The following XRN2 variants were observed in gnomAD, a reference collection of about 807,000 sequenced individuals.
XRN2 encodes the protein DHM1-like protein.
A neutral mutation model predicts 138.5 loss-of-function variants in XRN2; 44 were observed. The observed-to-expected ratio is 0.32, with a 90% CI of 0.25 to 0.41. XRN2 has a LOEUF of 0.41. XRN2 is among the 10% of genes least tolerant of loss of function. The pLI is 1.00. For synonymous variants in XRN2, 354 were observed against 369.4 expected (o/e 0.96, Z 0.48); for missense variants, 937 against 1,169.3 (o/e 0.80, Z 2.90).
At chr20:21,362,667 C>A (rs2038651047) in intron 24 of XRN2, among the ~76,000 whole-genome samples, 1 of 152,188 alleles carries the variant, frequency 6.6e-6, no homozygotes, top group Non-Finnish European at 1.5e-5. Context: ...ACAAACCCTC[C>A]ATGACCATAA....
intron 17 of XRN2, among the ~76,000 whole-genome samples, chr20:21,347,517 CTGTT>C (rs1426059001): frequency 2.0e-5 from 3 of 152,192 alleles, no homozygotes; most frequent in African/African-American, 7.2e-5. Flanking sequence ...GTTAAGTACT[CTGTT>C]TGCGTTTTAC....
At chr20:21,319,418 T>G (rs1382673570) in intron 1 of XRN2, among the ~76,000 whole-genome samples, 1 of 152,192 alleles carries the variant, frequency 6.6e-6, no homozygotes, top group East Asian at 1.9e-4. Context: ...ACTTTTTGTT[T>G]TTTGTATGTC....
chr20:21,365,628 CA>C lies in XRN2; in HGVS notation c.2381del (p.Gln794ArgfsTer28). 6.2e-7 allele frequency: 1 copy of C among 1,613,184 alleles called. No homozygotes were observed. Among genetic ancestry groups the C allele is most frequent in the Non-Finnish European group, 8.5e-7 (1 of 1,179,902 alleles). ...SDWEKSSNGR[Q>X]WKPQLGFNRD... ...CTGGGAAAAATCCAGCAATGGACGG[CA>C]GTGGAAGCCTCAGCTTGGCTTTAAC... On this transcript the variant is annotated frameshift_variant, in exon 26 of 30. Transcript: ENST00000377191. LOFTEE classifies it high-confidence loss of function.
In XRN2 at chr20:21,328,505, G is replaced by C. The variant is rs927782743; in HGVS notation, c.316-54G>C. ...AACAACTGATTCAAAATAAGGTACA[G>C]ATTTATTTGTGAATATTTTGATGAG... is the stretch of plus-strand genomic sequence containing the variant. On this transcript the variant is annotated intron_variant, in intron 3 of 29. Coordinates refer to ENST00000377191, the MANE Select transcript of XRN2 (RefSeq NM_012255.5). 7.9e-6 allele frequency: 12 copies of C among 1,513,468 alleles called. No individual in the cohort carries two copies. The African/African-American group carries it at 1.6e-4, about 21-fold the overall frequency. 93.8% of individuals were successfully genotyped at this position (1,513,468 alleles called of 1,614,324 possible).
intron 28 of XRN2, among the ~76,000 whole-genome samples, chr20:21,382,795 T>TAG (rs2038899678): frequency 6.6e-6 from 1 of 152,252 alleles, no homozygotes; most frequent in Non-Finnish European, 1.5e-5. Flanking sequence ...AGGCACATTA[T>TAG]GAATAATTAA....
chr20:21,375,920 G>A (rs978682687), intron 27 of XRN2, among the ~76,000 whole-genome samples: 10 of 151,768 alleles, frequency 6.6e-5, no homozygotes, highest in African/African-American at 2.4e-4. Flanking sequence ...CTCACTGCAA[G>A]CTCCGCCTCC....
At chr20:21,385,911 T>C (rs2038932558) in intron 28 of XRN2, among the ~76,000 whole-genome samples, 1 of 152,216 alleles carries the variant, frequency 6.6e-6, no homozygotes, top group Non-Finnish European at 1.5e-5. Flanking sequence ...GCCCCAAAGC[T>C]TCTGATGTTC....
At chr20:21,362,541 T>C (rs189136820) in intron 24 of XRN2, among the ~76,000 whole-genome samples, 53 of 152,324 alleles carry the variant, frequency 3.5e-4, no homozygotes, top group Admixed American at 3.9e-4. Context: ...GGTGACCTCT[T>C]TATGGGTGTC....
intron 5 of XRN2, 27 bp downstream of exon 5, chr20:21,330,566 A>C: frequency 1.2e-6 from 2 of 1,613,692 alleles, no homozygotes; most frequent in Middle Eastern, 3.3e-4. Context: ...TTTGCTAGCT[A>C]TTGCTAACTC....
rs1254934955 is a variant in XRN2 at position 21,366,596 on chromosome 20, G to T, written c.2456+892G>T. ...AAAAGGGAAAAAAAGAAAATACTGA[G>T]TTTGTTTCACACATATATTTTTGTC... On this transcript the variant is annotated intron_variant, in intron 26 of 29. Transcript: ENST00000377191. Among the ~76,000 whole-genome samples the T allele has an allele frequency of 2.6e-5, 4 of 151,144 alleles. No individual in the cohort carries two copies. The East Asian group carries it at 7.8e-4, about 29-fold the overall frequency.
chr20:21,331,208 A>AT (rs2038202346), intron 6 of XRN2, among the ~76,000 whole-genome samples: 1 of 152,170 alleles, frequency 6.6e-6, no homozygotes, highest in Non-Finnish European at 1.5e-5. Context: ...GTTCAGCACT[A>AT]TATCCTTGCA....
intron 27 of XRN2, among the ~76,000 whole-genome samples, chr20:21,375,988 G>A (rs891180308): frequency 1.3e-5 from 2 of 151,794 alleles, no homozygotes; most frequent in East Asian, 2.0e-4. Context: ...ACAGGCGCCC[G>A]CCACTACACT....
chr20:21,336,654 A>T (rs2038298979), intron 13 of XRN2, among the ~76,000 whole-genome samples: 1 of 152,242 alleles, frequency 6.6e-6, no homozygotes, highest in Non-Finnish European at 1.5e-5. Context: ...AAAAGGAGAC[A>T]GAAATCCCTG....
At chr20:21,345,337 T>G (rs977298689) in intron 16 of XRN2, among the ~76,000 whole-genome samples, 21 of 152,202 alleles carry the variant, frequency 1.4e-4, no homozygotes, top group African/African-American at 5.1e-4. Context: ...GCTTGGGGCT[T>G]TTAGCATTTT....
At chr20:21,339,002 TG>T (rs1468528531) in intron 13 of XRN2, 41 bp from the exon 14 acceptor site, 9 of 1,564,162 alleles carry the variant, frequency 5.8e-6, no homozygotes, top group Non-Finnish European at 7.9e-6. Flanking sequence ...CTGACATTTT[TG>T]TGTAATTATT....
At chr20:21,351,798 C>T (rs1335898087) in intron 20 of XRN2, among the ~76,000 whole-genome samples, 3 of 152,136 alleles carry the variant, frequency 2.0e-5, no homozygotes, top group Non-Finnish European at 4.4e-5. Context: ...CATTCTTTTG[C>T]ATGTGCATAT....
At chr20:21,361,301 A>C (rs1452234589) in intron 24 of XRN2, among the ~76,000 whole-genome samples, 3 of 152,232 alleles carry the variant, frequency 2.0e-5, no homozygotes, top group African/African-American at 4.8e-5. Flanking sequence ...TTATGAAGAC[A>C]ATCAAGCATT....
chr20:21,379,233 C>G (rs1390559527), intron 27 of XRN2, among the ~76,000 whole-genome samples: 1 of 152,154 alleles, frequency 6.6e-6, no homozygotes, highest in Non-Finnish European at 1.5e-5. Flanking sequence ...TTCTGAAGTG[C>G]AATTCACTGT....
At position 21,344,094 on chromosome 20, in the gene XRN2, C is replaced by G. The variant is rs773271795; in HGVS notation, c.1415C>G (p.Pro472Arg). ...TAATGTCATCATTGTCTGCAGAGTC[C>G]TTCGATATCTCCTAATACGAGTTTC... Reference protein sequence around the residue: ...YEMRMQNNSSPSISPNTSFTS... With the variant: ...YEMRMQNNSSRSISPNTSFTS... Residue 472 changes from proline (P) to arginine (R), a missense_variant, in exon 16 of 30, where the codon CCT becomes CGT. Coordinates refer to ENST00000377191, the MANE Select transcript of XRN2 (RefSeq NM_012255.5). The G allele has an allele frequency of 4.4e-6, 7 of 1,607,982 alleles. No individual in the cohort carries two copies. Among genetic ancestry groups the G allele is most frequent in the Non-Finnish European group, 6.0e-6 (7 of 1,175,194 alleles).
Sources: allele counts gnomAD v4.1 joint callset (sites outside exome capture counted in the v4.1 genomes callset), GRCh38; gene constraint gnomAD v4.1.1; transcripts MANE v1.5; gene names NCBI Gene and HGNC (gene_info 2026-07-23, HGNC 2026-07-21).